The following KCNIP2 variants were observed in gnomAD, a reference collection of about 807,000 sequenced individuals.
KCNIP2 encodes potassium voltage-gated channel interacting protein 2.
A neutral mutation model predicts 39.0 loss-of-function variants in KCNIP2; 19 were observed. That is an observed-to-expected ratio of 0.49 (90% CI 0.34 to 0.71). KCNIP2 has a LOEUF of 0.71. KCNIP2 is among the 30% of genes least tolerant of loss of function. The pLI is 0.01. For synonymous variants in KCNIP2, 111 were observed against 131.2 expected, an observed-to-expected ratio of 0.85 and a Z score of 1.05; for missense variants, 261 against 346.0, an observed-to-expected ratio of 0.75 and a Z score of 1.95.
At chr10:101,833,116 GTTC>G (rs2066048221) in intron 1 of KCNIP2, among the ~76,000 whole-genome samples, 1 of 152,064 alleles carries the variant, frequency 6.6e-6, no homozygotes, top group Admixed American at 6.6e-5. Context: ...TATTTTTCCA[GTTC>G]TTCCAGGTAT....
intron 2 of KCNIP2, 114 bp downstream of exon 2, chr10:101,830,958 C>T: frequency 5.2e-6 from 5 of 968,254 alleles, no homozygotes; most frequent in East Asian, 2.6e-5. Context: ...CCCACACATG[C>T]AGGCCTGGAG....
chr10:101,843,461 C>T lies in KCNIP2; in HGVS notation c.73+35G>A. On this transcript the variant is annotated intron_variant, in intron 1 of 9. Transcript: ENST00000356640. This position sits in a 1 kb window ranked among gnomAD's most constrained non-coding sequence, Gnocchi z 6.7. ...GAAGGGTCTGGAGGAATGGAATCCA[C>T]CCTCCCTCCCGCGACCCCCACGTCA... is the stretch of plus-strand genomic sequence containing the variant. 2.8e-6 allele frequency: 4 copies of T among 1,431,640 alleles called. No homozygotes were observed. Among genetic ancestry groups the T allele is most frequent in the Non-Finnish European group, 3.8e-6 (4 of 1,060,558 alleles). 88.7% of individuals were successfully genotyped at this position (1,431,640 alleles called of 1,614,324 possible).
chr10:101,842,209 C>G (rs1209461725), intron 1 of KCNIP2, among the ~76,000 whole-genome samples: 1 of 152,242 alleles, frequency 6.6e-6, no homozygotes, highest in African/African-American at 2.4e-5. Context: ...TGCTGGCTTT[C>G]TAGAGCAGGC....
chr10:101,832,667 G>T (rs144427346), intron 1 of KCNIP2, among the ~76,000 whole-genome samples: 212 of 152,222 alleles, frequency 1.4e-3, no homozygotes, highest in African/African-American at 4.8e-3. Context: ...TCTGGCCCAG[G>T]GCTCCATTAG....
chr10:101,830,473 G>A, intron 2 of KCNIP2: 2 of 1,275,416 alleles, frequency 1.6e-6, no homozygotes, highest in South Asian at 1.3e-5. Context: ...TACACAGGCC[G>A]CCACAGCTAC....
At chr10:101,829,541 G>A in intron 3 of KCNIP2, 3 of 479,466 alleles carry the variant, frequency 6.3e-6, no homozygotes, top group Non-Finnish European at 7.3e-6. Context: ...AAGAGGGGGC[G>A]TCTGAGGGTC....
chr10:101,832,337 T>C (rs2066023603), intron 1 of KCNIP2, among the ~76,000 whole-genome samples: 1 of 150,532 alleles, frequency 6.6e-6, no homozygotes, highest in Admixed American at 6.6e-5. Context: ...TGTGTGTGTG[T>C]GTGTCTGTGT....
At chr10:101,829,560 G>T (rs1300565172) in intron 3 of KCNIP2, 1 of 478,602 alleles carries the variant, frequency 2.1e-6, no homozygotes, top group South Asian at 3.0e-5. Flanking sequence ...TCAGAGCTCC[G>T]GGCCTTCGGG....
intron 2 of KCNIP2, among the ~76,000 whole-genome samples, chr10:101,830,830 C>T (rs1589863079): frequency 6.7e-6 from 1 of 149,912 alleles, no homozygotes; most frequent in African/African-American, 2.5e-5. Context: ...GGGTAGGGCA[C>T]GCCCCCCCAC....
At position 101,829,242 on chromosome 10, in the gene KCNIP2, C is replaced by T. The variant is rs779346467; in HGVS notation, c.224-43G>A. 7.6e-6 allele frequency: 12 copies of T among 1,572,162 alleles called. No individual in the cohort carries two copies. The East Asian group carries it at 1.1e-4, about 15-fold the overall frequency. ...ACAGCCGCGCCTCAGGCCCAGCCTC[C>T]GCGACCCCTCTTCAAATCACTGCCC... On this transcript the variant is annotated intron_variant, in intron 3 of 9. Transcript: ENST00000356640.
chr10:101,830,780 A>ACACACACG (rs990978925), intron 2 of KCNIP2, among the ~76,000 whole-genome samples: 35 of 132,204 alleles, frequency 2.6e-4, no homozygotes, highest in East Asian at 2.0e-3. Context: ...ACACACACAC[A>ACACACACG]CGCGCGCGGG....
rs972185449 is a variant in KCNIP2 at position 101,828,148 on chromosome 10, C to T, written c.597+3G>A. On this transcript the variant is annotated splice_donor_region_variant and intron_variant, in intron 7 of 9. Transcript: ENST00000356640. This position sits in a 1 kb window ranked among gnomAD's most constrained non-coding sequence, Gnocchi z 6.6. ...GACCCCCAGCCCTTCAGTTGCCCTG[C>T]ACCTCCTTGGTGATGCAGCCGTCCT... 1.4e-5 allele frequency: 23 copies of T among 1,613,520 alleles called. No individual in the cohort carries two copies. The highest frequency in any genetic ancestry group is 2.0e-5 in the Non-Finnish European group (23 of 1,179,436).
In KCNIP2 at chr10:101,828,227, C is replaced by G; in HGVS notation, c.521G>C (p.Arg174Pro). Residue 174 changes from arginine to proline, a missense_variant, in exon 7 of 10, where the codon CGG becomes CCG. Arg to Pro is a moderately radical substitution (Grantham distance 103). Transcript: ENST00000356640. The surrounding 1 kb of genome is among the most constrained non-coding windows in gnomAD (Gnocchi z 6.6). ...DFVAGLSVILRGTVDDRLNWA... is the reference protein window; with the variant it reads ...DFVAGLSVILPGTVDDRLNWA... The stretch of plus-strand genomic sequence containing the variant: ...ATTAAGCCTGTCATCTACAGTTCCC[C>G]GAAGAATCACGGACAAACCAGCCAC... 1 of 1,614,104 alleles carries G rather than the reference C, an allele frequency of 6.2e-7. No homozygotes were observed. Among genetic ancestry groups the G allele is most frequent in the Non-Finnish European group, 8.5e-7 (1 of 1,180,026 alleles).
intron 8 of KCNIP2, 40 bp downstream of exon 8, chr10:101,827,849 C>A: frequency 6.4e-7 from 1 of 1,572,410 alleles, no homozygotes; most frequent in Non-Finnish European, 8.8e-7. Context: ...GCCTTCTTCC[C>A]TTCACTCCAG....
At chr10:101,836,526 G>A (rs964698693) in intron 1 of KCNIP2, among the ~76,000 whole-genome samples, 2 of 151,980 alleles carry the variant, frequency 1.3e-5, no homozygotes, top group African/African-American at 2.4e-5. Flanking sequence ...GTGTGCCACC[G>A]CGTCTGGCCT....
chr10:101,828,158 G>C lies in KCNIP2; in HGVS notation c.590C>G (p.Thr197Ser), dbSNP rs919453232. The change falls in exon 7 of 10, where the codon ACC becomes AGC. Residue 197 changes from threonine to serine, a missense_variant. Transcript: ENST00000356640. The surrounding 1 kb of genome is among the most constrained non-coding windows in gnomAD (Gnocchi z 6.6). ...LYDLNKDGCITKEEMLDIMKS... is the reference protein window; with the variant it reads ...LYDLNKDGCISKEEMLDIMKS... ...CCTTCAGTTGCCCTGCACCTCCTTG[G>C]TGATGCAGCCGTCCTTGTTAAGGTC... 3.1e-6 allele frequency: 5 copies of C among 1,613,714 alleles called. No homozygotes were observed. The highest frequency in any genetic ancestry group is 4.2e-6 in the Non-Finnish European group (5 of 1,179,740).
At position 101,826,301 on chromosome 10, in the gene KCNIP2, G is replaced by C. The variant is rs2065748027; in HGVS notation, c.*1052C>G. 1 of 152,692 alleles carries C rather than the reference G, an allele frequency of 6.5e-6. No individual in the cohort carries two copies. Among genetic ancestry groups the C allele is most frequent in the Admixed American group, 6.5e-5 (1 of 15,270 alleles). 9.5% of individuals were successfully genotyped at this position (152,692 alleles called of 1,614,324 possible). On this transcript the variant is annotated 3_prime_UTR_variant, in exon 10 of 10. Coordinates refer to ENST00000356640, the MANE Select transcript of KCNIP2 (RefSeq NM_173191.3). ...GGAACTGAGGAGGTTATCTGGGGTG[G>C]GGTGGGGAGAGCCCAGGTTGATTGA...
chr10:101,839,667 C>G, intron 1 of KCNIP2: 1 of 1,238,952 alleles, frequency 8.1e-7, no homozygotes, highest in Non-Finnish European at 1.2e-6. Flanking sequence ...TTGAGGGGCC[C>G]TTCCCTCCCT....
rs2065794487 is a variant in KCNIP2 at position 101,827,783 on chromosome 10, G to A, written c.703-32C>T. 1.9e-6 allele frequency: 3 copies of A among 1,573,162 alleles called. No individual in the cohort carries two copies. In the African/African-American group the frequency reaches 4.0e-5, roughly 21 times the overall value. ...GAAGGTGGTCAGGCAGGGAGAACAG[G>A]AGGGATGGCAAGAGAGAGGCAGACA... On this transcript the variant is annotated intron_variant, in intron 8 of 9. Transcript: ENST00000356640.
Sources: allele counts gnomAD v4.1 joint callset (sites outside exome capture counted in the v4.1 genomes callset), GRCh38; gene constraint gnomAD v4.1.1; non-coding constraint Gnocchi (gnomAD v3.1); transcripts MANE v1.5; gene names NCBI Gene and HGNC (gene_info 2026-07-23, HGNC 2026-07-21).